The following PRELID2 variants were observed in gnomAD, a reference collection of about 807,000 sequenced individuals.
PRELID2 encodes the protein PRELI domain-containing protein 2.
Under a neutral mutation model 28.4 loss-of-function variants are expected in PRELID2, and 25 were observed. The ratio of observed to expected loss-of-function variants is 0.88; its 90% CI spans 0.64 to 1.23. The LOEUF (loss-of-function observed/expected upper bound fraction) is 1.23, where lower values mean the gene tolerates loss of function less well. Among genes scored for constraint, PRELID2 ranks in the 50% most tolerant of loss-of-function variants. PRELID2 has a pLI of 0.00. For missense variants in PRELID2, 201 were observed against 214.4 expected (o/e 0.94, Z 0.39); for synonymous variants, 76 against 71.6 (o/e 1.06, Z -0.31).
chr5:145,459,863 G>T, the PRELID2 span, among the ~76,000 whole-genome samples: 1 of 149,388 alleles, frequency 6.7e-6, no homozygotes, highest in Admixed American at 6.7e-5. Context: ...AGGCTGGAGT[G>T]CAGTGATGCG....
At chr5:145,454,223 TCAA>T in the PRELID2 span, among the ~76,000 whole-genome samples, 1 of 152,292 alleles carries the variant, frequency 6.6e-6, no homozygotes, top group African/African-American at 2.4e-5. Context: ...TTGACAAAAT[TCAA>T]CAGCCCTTCA....
At chr5:145,396,867 G>T in the PRELID2 span, among the ~76,000 whole-genome samples, 219 of 152,152 alleles carry the variant, frequency 1.4e-3, 1 homozygote, top group African/African-American at 5.2e-3. Flanking sequence ...ATTCTCAGGA[G>T]ACAGAAGACA....
chr5:145,245,625 C>T, the PRELID2 span, among the ~76,000 whole-genome samples: 2 of 152,000 alleles, frequency 1.3e-5, no homozygotes, highest in South Asian at 2.1e-4. Flanking sequence ...GATTCTTCTC[C>T]GCTGCCCTGA....
At chr5:145,323,957 T>G in the PRELID2 span, among the ~76,000 whole-genome samples, 2 of 152,244 alleles carry the variant, frequency 1.3e-5, no homozygotes, top group Admixed American at 1.3e-4. Context: ...TATAATGATT[T>G]TCTTTCCTTT....
intron 1 of PRELID2, among the ~76,000 whole-genome samples, chr5:145,592,438 A>G (rs758326389): frequency 7.9e-5 from 12 of 150,970 alleles, no homozygotes; most frequent in African/African-American, 2.7e-4. Flanking sequence ...AATTGTATAT[A>G]TGTATATTTC....
At chr5:145,417,099 A>G in the PRELID2 span, among the ~76,000 whole-genome samples, 1 of 152,088 alleles carries the variant, frequency 6.6e-6, no homozygotes, top group African/African-American at 2.4e-5. Context: ...CAGAAATACA[A>G]CCATTAGGGA....
chr5:145,481,849 A>C (rs776598728), intron 1 of PRELID2, among the ~76,000 whole-genome samples: 7 of 152,142 alleles, frequency 4.6e-5, no homozygotes, highest in Non-Finnish European at 7.4e-5. Flanking sequence ...TTAGAAATTA[A>C]ATTCTGTATT....
the PRELID2 span, among the ~76,000 whole-genome samples, chr5:145,419,699 T>A: frequency 6.6e-6 from 1 of 152,182 alleles, no homozygotes; most frequent in African/African-American, 2.4e-5. Context: ...ACTCTGATGG[T>A]AGTTTGTTTT....
chr5:145,369,996 C>A, the PRELID2 span, among the ~76,000 whole-genome samples: 1 of 149,770 alleles, frequency 6.7e-6, no homozygotes, highest in Non-Finnish European at 1.5e-5. Flanking sequence ...TGTAAATTAT[C>A]TTTTCTTGTA....
chr5:145,322,421 G>C, the PRELID2 span, among the ~76,000 whole-genome samples: 1 of 152,074 alleles, frequency 6.6e-6, no homozygotes, highest in African/African-American at 2.4e-5. Flanking sequence ...AAGACATAAA[G>C]CCCTCGTGGC....
At chr5:145,792,231 C>T (rs1752442592) in intron 5 of PRELID2, among the ~76,000 whole-genome samples, 1 of 152,148 alleles carries the variant, frequency 6.6e-6, no homozygotes, top group African/African-American at 2.4e-5. Flanking sequence ...GGTTCAAATC[C>T]CCGGTTCACC....
chr5:145,621,285 C>T (rs1271455031), intron 1 of PRELID2, among the ~76,000 whole-genome samples: 1 of 151,912 alleles, frequency 6.6e-6, no homozygotes, highest in Admixed American at 6.6e-5. Context: ...AACAGCAAAT[C>T]CTAGCAAAGA....
chr5:145,550,198 A>G (rs184054085), intron 1 of PRELID2, among the ~76,000 whole-genome samples: 3 of 152,322 alleles, frequency 2.0e-5, no homozygotes, highest in Admixed American at 2.0e-4. Context: ...CTAGACCTAG[A>G]GATATCACTG....
At chr5:145,422,795 T>G in the PRELID2 span, among the ~76,000 whole-genome samples, 1 of 152,118 alleles carries the variant, frequency 6.6e-6, no homozygotes, top group Non-Finnish European at 1.5e-5. Context: ...TAGCTGGTTA[T>G]TTTGCTCATT....
chr5:145,821,152 G>GGTGGGTGTGTGTGTGTGTGTGTGTGTGT (rs1554100260), intron 2 of PRELID2, among the ~76,000 whole-genome samples: 21 of 88,256 alleles, frequency 2.4e-4, no homozygotes, highest in African/African-American at 8.4e-4. Context: ...AACTCTCCTG[G>GGTGGGTGTGTGTGTGTGTGTGTGTGTGT]GTGTGTGTGT....
At chr5:145,454,705 T>G in the PRELID2 span, among the ~76,000 whole-genome samples, 1 of 152,208 alleles carries the variant, frequency 6.6e-6, no homozygotes, top group Non-Finnish European at 1.5e-5. Context: ...ATAAAATACC[T>G]AGGATTTGCA....
intron 1 of PRELID2, among the ~76,000 whole-genome samples, chr5:145,620,555 CT>C (rs1753760210): frequency 6.6e-6 from 1 of 152,142 alleles, no homozygotes; most frequent in South Asian, 2.1e-4. Flanking sequence ...AAATATAAAA[CT>C]TCTCTAAAAA....
At chr5:145,372,721 AT>A in the PRELID2 span, among the ~76,000 whole-genome samples, 1 of 150,674 alleles carries the variant, frequency 6.6e-6, no homozygotes, top group Non-Finnish European at 1.5e-5. Flanking sequence ...CCATCCTTTT[AT>A]TTTTAGCCTA....
At chr5:145,748,818 C>T (rs1405440631) in intron 1 of PRELID2, among the ~76,000 whole-genome samples, 1 of 152,092 alleles carries the variant, frequency 6.6e-6, no homozygotes, top group African/African-American at 2.4e-5. Flanking sequence ...AGAAATAACA[C>T]CACATATCTA....
Sources: gnomAD v4.1 joint callset for allele counts (sites outside exome capture counted in the v4.1 genomes callset) on GRCh38, gnomAD v4.1.1 for gene constraint, MANE v1.5 for transcripts, NCBI Gene and HGNC (gene_info 2026-07-23, HGNC 2026-07-21) for gene names.